Variants in MRTFA observed in about 807,000 individuals in gnomAD.
MRTFA encodes the protein myocardin related transcription factor A.
Under a neutral mutation model 83.5 loss-of-function variants are expected in MRTFA, and 20 were observed. The observed-to-expected ratio is 0.24, with a 90% CI of 0.17 to 0.35. The LOEUF is 0.35. Among genes scored for constraint, MRTFA ranks in the 10% least tolerant of loss-of-function variants. MRTFA has a pLI of 1.00. For synonymous variants in MRTFA, 659 were observed against 541.2 expected (o/e 1.22, Z -3.02); for missense variants, 1,200 against 1,224.7 (o/e 0.98, Z 0.30).
intron 4 of MRTFA, among the ~76,000 whole-genome samples, chr22:40,448,793 T>C (rs772126128): frequency 6.6e-6 from 1 of 152,164 alleles, no homozygotes; most frequent in Non-Finnish European, 1.5e-5. Context: ...GGCCCTAGCA[T>C]TAGTTTCTCA....
intron 3 of MRTFA, among the ~76,000 whole-genome samples, chr22:40,517,245 GA>G (rs1313837378): frequency 1.3e-5 from 2 of 152,092 alleles, no homozygotes; most frequent in Non-Finnish European, 2.9e-5. Context: ...TATTCTAAAA[GA>G]AGAAAAAGTT....
intron 3 of MRTFA, among the ~76,000 whole-genome samples, chr22:40,465,623 T>G (rs1446101341): frequency 6.6e-6 from 1 of 152,182 alleles, no homozygotes; most frequent in African/African-American, 2.4e-5. Flanking sequence ...TGCAGTGGCA[T>G]GATCTCAGCT....
At chr22:40,471,590 G>C (rs2147168372) in intron 3 of MRTFA, among the ~76,000 whole-genome samples, 1 of 152,276 alleles carries the variant, frequency 6.6e-6, no homozygotes, top group Admixed American at 6.5e-5. Context: ...AAATACTTAA[G>C]AATTAATACT....
chr22:40,451,164 C>T (rs187410808), intron 4 of MRTFA, among the ~76,000 whole-genome samples: 32 of 152,208 alleles, frequency 2.1e-4, no homozygotes, highest in Admixed American at 9.8e-4. Flanking sequence ...CTAATTGGAC[C>T]GGGCTTGACT....
At chr22:40,556,785 T>C (rs62236971) in intron 2 of MRTFA, among the ~76,000 whole-genome samples, 441 of 152,354 alleles carry the variant, frequency 2.9e-3, no homozygotes, top group Admixed American at 5.2e-3. Flanking sequence ...TCCATCCGGC[T>C]GAGTATTCTT....
At chr22:40,453,254 C>T (rs2053526992) in intron 4 of MRTFA, among the ~76,000 whole-genome samples, 1 of 152,200 alleles carries the variant, frequency 6.6e-6, no homozygotes, top group Non-Finnish European at 1.5e-5. Flanking sequence ...AGTCACATTC[C>T]TGTAGTGAGG....
chr22:40,442,449 G>T (rs1424911485), intron 4 of MRTFA, among the ~76,000 whole-genome samples: 1 of 152,192 alleles, frequency 6.6e-6, no homozygotes, highest in African/African-American at 2.4e-5. Context: ...ATCAATGAGG[G>T]CTACATGTGT....
intron 2 of MRTFA, among the ~76,000 whole-genome samples, chr22:40,582,280 C>G (rs1602458691): frequency 6.6e-6 from 1 of 152,308 alleles, no homozygotes; most frequent in Middle Eastern, 3.4e-3. Context: ...TAATATTCAA[C>G]TGTATAGATA....
intron 3 of MRTFA, among the ~76,000 whole-genome samples, chr22:40,493,224 C>G (rs1662829609): frequency 6.6e-6 from 1 of 152,192 alleles, no homozygotes; most frequent in Non-Finnish European, 1.5e-5. Context: ...TCCACCTAAA[C>G]AGAAGGGGGA....
At chr22:40,566,222 C>CT (rs2055701083) in intron 2 of MRTFA, among the ~76,000 whole-genome samples, 23 of 147,680 alleles carry the variant, frequency 1.6e-4, no homozygotes, top group Admixed American at 5.2e-4. Flanking sequence ...TCTGATTTAT[C>CT]ATTTTTTTTT....
At chr22:40,608,020 G>A (rs1421066963) in intron 1 of MRTFA, among the ~76,000 whole-genome samples, 1 of 151,944 alleles carries the variant, frequency 6.6e-6, no homozygotes, top group East Asian at 1.9e-4. Flanking sequence ...GCCATCAGGG[G>A]TCATCTTTTT....
At chr22:40,630,051 G>A (rs1220625546) in intron 1 of MRTFA, among the ~76,000 whole-genome samples, 1 of 151,924 alleles carries the variant, frequency 6.6e-6, no homozygotes, top group Non-Finnish European at 1.5e-5. Flanking sequence ...GGTGGCTCAT[G>A]CTTATCATCC....
At position 40,569,030 on chromosome 22, in the gene MRTFA, AAC is replaced by A. The variant is rs149617191; in HGVS notation, c.-21-16665_-21-16664del. On this transcript the variant is annotated intron_variant, in intron 2 of 14. Transcript: ENST00000355630. ...ATGTAATAACTCAGATGTCGCATAT[AAC>A]ATGAAAAAAATAATACAATAGGAAG... 6.9e-3 allele frequency among the ~76,000 whole-genome samples: 1,044 copies of A among 152,322 alleles called. 11 individuals are homozygous for A. Among genetic ancestry groups the A allele is most frequent in the African/African-American group, 0.024 (1,006 of 41,564 alleles).
chr22:40,560,669 G>A (rs535517930), intron 2 of MRTFA, among the ~76,000 whole-genome samples: 303 of 152,242 alleles, frequency 2.0e-3, no homozygotes, highest in Middle Eastern at 3.4e-3. Flanking sequence ...CAAAGGATCA[G>A]TAACTCCAGT....
Position 40,536,332 on chromosome 22 carries a change from G to A in MRTFA, c.241+15774C>T, listed in dbSNP as rs577883736. Among the ~76,000 whole-genome samples, 15 of 151,520 alleles carry A rather than the reference G, an allele frequency of 9.9e-5. No homozygotes were observed. The South Asian group carries it at 1.7e-3, about 17-fold the overall frequency. On this transcript the variant is annotated intron_variant, in intron 3 of 14. Coordinates refer to ENST00000355630, the MANE Select transcript of MRTFA (RefSeq NM_020831.6). ...AATAAATAAATGGGCCGAAGCCGCC[G>A]CCGCCCGACCGCCGGGAGGATGGAG... is the stretch of plus-strand genomic sequence containing the variant.
rs2055210347 is a variant in MRTFA, at chr22:40,537,795, C to T, written c.241+14311G>A. 9.6e-5 allele frequency among the ~76,000 whole-genome samples: 3 copies of T among 31,270 alleles called. No homozygotes were observed. The South Asian group carries it at 2.5e-3, about 26-fold the overall frequency. The allele number at this position is 31,270 out of a possible 152,430, so 20.5% of individuals were successfully genotyped here. ...GGGGGTCAGCCCCCCGCCTGGCCAG[C>T]CGCCCCGTCCGGGAGGGAGGTGGGG... On this transcript the variant is annotated intron_variant, in intron 3 of 14. Coordinates refer to ENST00000355630, the MANE Select transcript of MRTFA (RefSeq NM_020831.6).
intron 3 of MRTFA, among the ~76,000 whole-genome samples, chr22:40,502,605 A>G (rs1285580185): frequency 1.4e-5 from 2 of 145,954 alleles, no homozygotes; most frequent in Non-Finnish European, 3.0e-5. Flanking sequence ...CACATCCCAG[A>G]CGATGGGCGG....
chr22:40,568,327 C>T (rs901475303), intron 2 of MRTFA, among the ~76,000 whole-genome samples: 1 of 152,214 alleles, frequency 6.6e-6, no homozygotes, highest in Admixed American at 6.5e-5. Flanking sequence ...AATGGCTCTT[C>T]AAGTTACCTT....
chr22:40,474,867 C>G (rs1246965722), intron 3 of MRTFA, among the ~76,000 whole-genome samples: 1 of 151,982 alleles, frequency 6.6e-6, no homozygotes, highest in African/African-American at 2.4e-5. Flanking sequence ...GAGATGGAAT[C>G]TTGCTCTGTC....
Sources: allele counts gnomAD v4.1 joint callset (sites outside exome capture counted in the v4.1 genomes callset), GRCh38; gene constraint gnomAD v4.1.1; transcripts MANE v1.5; gene names NCBI Gene and HGNC (gene_info 2026-07-23, HGNC 2026-07-21).